Variants in EPB41L3 observed in about 807,000 individuals in gnomAD.
The protein encoded by EPB41L3 is erythrocyte membrane protein band 4.1 like 3, also known as band 4.1-like protein 3.
In EPB41L3, 57 loss-of-function variants were observed where a neutral mutation model predicts 127.1. That is an observed-to-expected ratio of 0.45 (90% confidence interval 0.36 to 0.56). EPB41L3 has a LOEUF of 0.56. Ranked by LOEUF, EPB41L3 falls within the 20% of genes least tolerant of loss-of-function variation. The pLI is 0.00. For synonymous variants in EPB41L3, 572 were observed against 549.5 expected (o/e 1.04, Z -0.57); for missense variants, 1,273 against 1,372.2 (o/e 0.93, Z 1.14).
At chr18:5,512,634 G>A (rs1317793868) in intron 1 of EPB41L3, among the ~76,000 whole-genome samples, 1 of 152,126 alleles carries the variant, frequency 6.6e-6, no homozygotes, top group African/African-American at 2.4e-5. Flanking sequence ...AATAAAGGAG[G>A]ACCATTGAGG....
intron 1 of EPB41L3, among the ~76,000 whole-genome samples, chr18:5,511,390 G>GGTTTTTT (rs2092505673): frequency 5.3e-5 from 3 of 56,364 alleles, no homozygotes; most frequent in Non-Finnish European, 1.1e-4. Flanking sequence ...GAGGTATTTT[G>GGTTTTTT]GTTTTTTTTT....
intron 1 of EPB41L3, among the ~76,000 whole-genome samples, chr18:5,501,021 G>A (rs1014008252): frequency 6.6e-6 from 1 of 152,134 alleles, no homozygotes; most frequent in African/African-American, 2.4e-5. Flanking sequence ...TAGGGATCCA[G>A]GAAGACAAGC....
intron 3 of EPB41L3, among the ~76,000 whole-genome samples, chr18:5,450,201 C>T (rs921008193): frequency 2.0e-5 from 3 of 151,852 alleles, no homozygotes; most frequent in Admixed American, 6.6e-5. Flanking sequence ...GATGAATAGG[C>T]GGCTAACAGG....
intron 3 of EPB41L3, among the ~76,000 whole-genome samples, chr18:5,604,165 C>T (rs2094622413): frequency 6.6e-6 from 1 of 151,804 alleles, no homozygotes; most frequent in East Asian, 1.9e-4. Context: ...GTATTAGAAT[C>T]ATTCTTTCAT....
At chr18:5,564,105 T>G (rs1182962573) in intron 3 of EPB41L3, among the ~76,000 whole-genome samples, 1 of 152,296 alleles carries the variant, frequency 6.6e-6, no homozygotes, top group South Asian at 2.1e-4. Context: ...AGATTTAGAA[T>G]GTAGTCACAA....
At chr18:5,545,986 AT>A (rs2093875121), upstream of EPB41L3, among the ~76,000 whole-genome samples, 1 of 152,246 alleles carries the variant, frequency 6.6e-6, no homozygotes, top group Admixed American at 6.5e-5. Context: ...AAAGCACTCC[AT>A]TGAAAGTGGA....
At chr18:5,413,744 G>C (rs945510050) in intron 13 of EPB41L3, among the ~76,000 whole-genome samples, 8 of 152,188 alleles carry the variant, frequency 5.3e-5, no homozygotes, top group African/African-American at 1.9e-4. Flanking sequence ...CTGATGGCAG[G>C]AGAGCTATCA....
chr18:5,534,030 G>A (rs1281452679), intron 1 of EPB41L3, among the ~76,000 whole-genome samples: 1 of 152,176 alleles, frequency 6.6e-6, no homozygotes, highest in African/African-American at 2.4e-5. Context: ...AGGCGTGGTG[G>A]CGGGCGCCTG....
intron 8 of EPB41L3, among the ~76,000 whole-genome samples, chr18:5,432,599 T>A (rs1284144576): frequency 6.6e-6 from 1 of 152,224 alleles, no homozygotes; most frequent in Non-Finnish European, 1.5e-5. Context: ...CACAAGACTT[T>A]TATTCTGGGC....
In EPB41L3 at chr18:5,572,175, T is replaced by C. The variant is rs555748351; in HGVS notation, c.-306+40165A>G. ...AGTTAAGAACATCCATGGAAGAAAC[T>C]TGTCTTAGGTTTTAGTACTAGGAAA... On this transcript the variant is annotated intron_variant, in intron 3 of 21. Coordinates refer to the EPB41L3 transcript ENST00000545076. 2.6e-5 allele frequency among the ~76,000 whole-genome samples: 4 copies of C among 152,324 alleles called. No individual in the cohort carries two copies. The South Asian group carries it at 6.2e-4, about 24-fold the overall frequency.
chr18:5,447,989 T>C (rs1195276039), intron 3 of EPB41L3, among the ~76,000 whole-genome samples: 2 of 152,304 alleles, frequency 1.3e-5, no homozygotes, highest in East Asian at 1.9e-4. Context: ...TAGATGGTTA[T>C]ATCATGGGAT....
In EPB41L3 at chr18:5,397,935, G is replaced by A; in HGVS notation, c.2472+86C>T. Reference sequence around the variant, plus strand: ...ATGTTGAAGGCAAAGCCAGCTGGATGCAACCACACACTCACGCCCAAAAAA... The same window carrying A: ...ATGTTGAAGGCAAAGCCAGCTGGATACAACCACACACTCACGCCCAAAAAA... On this transcript the variant is annotated intron_variant, in intron 17 of 22. Coordinates refer to ENST00000341928, the MANE Select transcript of EPB41L3 (RefSeq NM_012307.5). This position sits in a 1 kb window ranked among gnomAD's most constrained non-coding sequence, Gnocchi z 4.1. 6.5e-7 allele frequency: 1 copy of A among 1,534,786 alleles called. No individual in the cohort carries two copies. Among genetic ancestry groups the A allele is most frequent in the South Asian group, 1.2e-5 (1 of 85,188 alleles).
chr18:5,549,165 ACTACT>A (rs1395048917), upstream of EPB41L3, among the ~76,000 whole-genome samples: 1 of 152,238 alleles, frequency 6.6e-6, no homozygotes, highest in Non-Finnish European at 1.5e-5. Context: ...TACAGCAATA[ACTACT>A]CTAAGGAAAA....
intron 3 of EPB41L3, among the ~76,000 whole-genome samples, chr18:5,551,333 T>C (rs928612292): frequency 1.1e-4 from 17 of 152,170 alleles, no homozygotes; most frequent in African/African-American, 4.1e-4. Flanking sequence ...CAATATTCAT[T>C]GAAATATTCC....
intron 3 of EPB41L3, among the ~76,000 whole-genome samples, chr18:5,603,879 A>T (rs547602763): frequency 8.6e-5 from 13 of 151,928 alleles, no homozygotes; most frequent in African/African-American, 2.4e-4. Flanking sequence ...ATTAAAATTT[A>T]AAAAAAAAGT....
intron 16 of EPB41L3, chr18:5,399,493 G>T (rs1019202122): frequency 5.0e-6 from 2 of 397,526 alleles, no homozygotes; most frequent in African/African-American, 4.1e-5. Context: ...GGTCTGTGAT[G>T]GGACCATACA....
chr18:5,513,329 T>C (rs983094916), intron 1 of EPB41L3, among the ~76,000 whole-genome samples: 8 of 152,106 alleles, frequency 5.3e-5, no homozygotes, highest in Admixed American at 5.2e-4. Context: ...AAATCTACTA[T>C]GTAGAGAAAA....
At chr18:5,603,378 C>T (rs2094610461) in intron 3 of EPB41L3, among the ~76,000 whole-genome samples, 1 of 152,178 alleles carries the variant, frequency 6.6e-6, no homozygotes, top group Non-Finnish European at 1.5e-5. Context: ...GACAAGGCTG[C>T]AGGCTCAGCC....
At chr18:5,508,766 C>CAAAAAAAAA (rs397969769) in intron 1 of EPB41L3, among the ~76,000 whole-genome samples, 1 of 52,586 alleles carries the variant, frequency 1.9e-5, no homozygotes, top group Non-Finnish European at 4.3e-5. Flanking sequence ...GACTCCATCT[C>CAAAAAAAAA]AAAAAAAAAA....
Sources: gnomAD v4.1 joint callset for allele counts (sites outside exome capture counted in the v4.1 genomes callset) on GRCh38, gnomAD v4.1.1 for gene constraint, Gnocchi (gnomAD v3.1) non-coding constraint, MANE v1.5 for transcripts, NCBI Gene and HGNC (gene_info 2026-07-23, HGNC 2026-07-21) for gene names.